UACA: variants seen among roughly 807,000 people sequenced by gnomAD.
The protein encoded by UACA is uveal autoantigen with coiled-coil domains and ankyrin repeats, also known as nuclear membrane binding protein.
UACA carries 112 observed loss-of-function variants against 160.5 expected under a neutral mutation model. The observed-to-expected ratio is 0.70, with a 90% confidence interval of 0.60 to 0.82. UACA has a LOEUF of 0.82. Ranked by LOEUF, UACA falls within the 40% of genes least tolerant of loss-of-function variation. The pLI is 0.00. For synonymous variants in UACA, 557 were observed against 568.4 expected (o/e 0.98, Z 0.29); for missense variants, 1,574 against 1,614.6 (o/e 0.97, Z 0.43).
chr15:70,716,590 A>G (rs1368596962), intron 1 of UACA, among the ~76,000 whole-genome samples: 1 of 152,186 alleles, frequency 6.6e-6, no homozygotes, highest in Admixed American at 6.5e-5. Context: ...TCAATTTTAT[A>G]GATATAAGAG....
At chr15:70,762,450 G>C (rs2030823892) in intron 1 of UACA, among the ~76,000 whole-genome samples, 1 of 152,164 alleles carries the variant, frequency 6.6e-6, no homozygotes, top group African/African-American at 2.4e-5. Flanking sequence ...TAATGATATA[G>C]AATTTTGATG....
chr15:70,723,895 G>A (rs1413359070), intron 1 of UACA, among the ~76,000 whole-genome samples: 1 of 152,146 alleles, frequency 6.6e-6, no homozygotes, highest in Non-Finnish European at 1.5e-5. Context: ...GCCTCCCAAA[G>A]TGCTGGGATT....
intron 18 of UACA, among the ~76,000 whole-genome samples, chr15:70,658,829 A>G (rs1257068180): frequency 1.3e-5 from 2 of 152,218 alleles, no homozygotes; most frequent in Non-Finnish European, 2.9e-5. Flanking sequence ...CATTTCAAAC[A>G]TTAGCCATAG....
intron 17 of UACA, among the ~76,000 whole-genome samples, chr15:70,662,216 AAC>A (rs1358815515): frequency 6.6e-6 from 1 of 152,216 alleles, no homozygotes; most frequent in East Asian, 1.9e-4. Context: ...ATACACCAAT[AAC>A]AGACAAACAG....
chr15:70,738,334 G>C (rs2140999992), intron 1 of UACA, among the ~76,000 whole-genome samples: 2 of 151,796 alleles, frequency 1.3e-5, no homozygotes, highest in East Asian at 3.9e-4. Context: ...TATTCTTTTA[G>C]ACCATGTCAG....
At chr15:70,745,906 C>T (rs1404523322) in intron 1 of UACA, among the ~76,000 whole-genome samples, 1 of 152,068 alleles carries the variant, frequency 6.6e-6, no homozygotes, top group Admixed American at 6.6e-5. Context: ...ACTGGCTAGC[C>T]ATATGCGGAA....
chr15:70,759,516 A>G (rs552867711), intron 1 of UACA, among the ~76,000 whole-genome samples: 10 of 152,326 alleles, frequency 6.6e-5, no homozygotes, highest in African/African-American at 2.2e-4. Context: ...TGAGCCGGGC[A>G]TGGTGGCAAA....
intron 1 of UACA, chr15:70,702,402 G>T: frequency 1.3e-6 from 1 of 746,322 alleles, no homozygotes; most frequent in Non-Finnish European, 1.6e-6. Context: ...CTTGACAGCT[G>T]AATGATAGAA....
In UACA at chr15:70,668,987, T is replaced by C. The variant is rs1897040184; in HGVS notation, c.1697A>G (p.Gln566Arg). Reference sequence around the variant, plus strand: ...TACTATCATCTCATTTTGTTTGATTTGGTTTCTTAATTTCCCCACTTCTGC... The same window carrying C: ...TACTATCATCTCATTTTGTTTGATTCGGTTTCTTAATTTCCCCACTTCTGC... ...ASAEVGKLRNQIKQNEMIVEE... is the reference protein window; with the variant it reads ...ASAEVGKLRNRIKQNEMIVEE... The change falls in exon 16 of 19, where the codon CAA (glutamine) becomes CGA (arginine). Residue 566 changes from glutamine to arginine, a missense_variant. Coordinates refer to ENST00000322954, the MANE Select transcript of UACA (RefSeq NM_018003.4). The C allele has an allele frequency of 1.9e-6, 3 of 1,613,936 alleles. No individual in the cohort carries two copies. The East Asian group carries it at 6.7e-5, about 36-fold the overall frequency.
chr15:70,745,750 G>A (rs1181150582), intron 1 of UACA, among the ~76,000 whole-genome samples: 2 of 152,178 alleles, frequency 1.3e-5, no homozygotes, highest in Admixed American at 6.5e-5. Context: ...CACGGTACTG[G>A]TACCAAAACA....
chr15:70,735,399 A>G (rs923140604), intron 1 of UACA, among the ~76,000 whole-genome samples: 3 of 151,858 alleles, frequency 2.0e-5, no homozygotes, highest in Admixed American at 2.0e-4. Context: ...ATCTAAATCC[A>G]TCTCTAAAAG....
Position 70,687,620 on chromosome 15 carries a change from A to G in UACA, c.522T>C (p.Ala174=), listed in dbSNP as rs1048075076. 4 of 1,613,846 alleles carry G rather than the reference A, an allele frequency of 2.5e-6. No homozygotes were observed. Among genetic ancestry groups the G allele is most frequent in the Non-Finnish European group, 3.4e-6 (4 of 1,179,866 alleles). Residue 174 remains alanine (A), a synonymous_variant, in exon 7 of 19, where the codon GCT becomes GCC. Coordinates refer to ENST00000322954, the MANE Select transcript of UACA (RefSeq NM_018003.4). ...DVDGRTPLVL[A]TQMSRPTICQ... Reference sequence around the variant, plus strand: ...ATATTGTTGGCCTACTCATCTGAGTAGCCAGAACAAGTGGTGTCCGCCCGT... The same window carrying G: ...ATATTGTTGGCCTACTCATCTGAGTGGCCAGAACAAGTGGTGTCCGCCCGT...
At chr15:70,751,668 C>T (rs1001575165) in intron 1 of UACA, among the ~76,000 whole-genome samples, 4 of 152,164 alleles carry the variant, frequency 2.6e-5, no homozygotes, top group Admixed American at 6.5e-5. Flanking sequence ...ACACCCAAGA[C>T]GTGCAGGCTG....
chr15:70,657,532 T>C (rs1164774481), intron 18 of UACA, among the ~76,000 whole-genome samples: 1 of 151,932 alleles, frequency 6.6e-6, no homozygotes, highest in African/African-American at 2.4e-5. Context: ...GAGGCAGAGG[T>C]TGCAGCGAAC....
chr15:70,691,099 A>G (rs1897918620), intron 4 of UACA, among the ~76,000 whole-genome samples, 200 bp downstream of exon 4: 1 of 152,184 alleles, frequency 6.6e-6, no homozygotes, highest in Admixed American at 6.6e-5. Context: ...TTTTTAATAC[A>G]CTGAGTTATG....
chr15:70,658,099 T>C lies in UACA; in HGVS notation c.4180-972A>G, dbSNP rs193209284. Among the ~76,000 whole-genome samples the C allele has an allele frequency of 3.4e-4, 52 of 152,234 alleles. 1 individual carries two copies. The East Asian group carries it at 9.6e-3, about 28-fold the overall frequency. On this transcript the variant is annotated intron_variant, in intron 18 of 18. Coordinates refer to ENST00000322954, the MANE Select transcript of UACA (RefSeq NM_018003.4). ...CAAGAATCTGTCTCCTAAAAAAATT[T>C]AAAATTTAAGTAATTGATTTAAAAA...
chr15:70,739,400 A>G (rs1160750604), intron 1 of UACA, among the ~76,000 whole-genome samples: 2 of 152,140 alleles, frequency 1.3e-5, no homozygotes, highest in Non-Finnish European at 2.9e-5. Flanking sequence ...ATCTCCAGAC[A>G]TTGCCAAATG....
intron 1 of UACA, chr15:70,703,160 G>C: frequency 7.8e-7 from 1 of 1,289,084 alleles, no homozygotes; most frequent in Non-Finnish European, 1.0e-6. Flanking sequence ...TGCAAATTCA[G>C]GGTGGTTTTT....
chr15:70,751,882 A>T (rs1362084212), intron 1 of UACA, among the ~76,000 whole-genome samples: 1 of 152,218 alleles, frequency 6.6e-6, no homozygotes, highest in African/African-American at 2.4e-5. Context: ...AAAATATAAA[A>T]TGTTAATTTT....
Sources: gnomAD v4.1 joint callset for allele counts (sites outside exome capture counted in the v4.1 genomes callset) on GRCh38, gnomAD v4.1.1 for gene constraint, MANE v1.5 for transcripts, NCBI Gene and HGNC (gene_info 2026-07-23, HGNC 2026-07-21) for gene names.